Variants in TMEM170B observed in about 807,000 individuals in gnomAD.
The protein encoded by TMEM170B is transmembrane protein 170B.
In TMEM170B, 6 loss-of-function variants were observed where a neutral mutation model predicts 13.0. The ratio of observed to expected loss-of-function variants is 0.46; its 90% CI spans 0.25 to 0.91. The LOEUF (loss-of-function observed/expected upper bound fraction) is 0.91. Among genes scored for constraint, TMEM170B ranks in the 40% least tolerant of loss-of-function variants. The pLI, the probability that TMEM170B is intolerant of heterozygous loss-of-function variation, is 0.17. For synonymous variants in TMEM170B, 61 were observed against 64.9 expected (o/e 0.94, Z 0.29); for missense variants, 138 against 165.2 (o/e 0.84, Z 0.90).
chr6:11,574,433 A>G (rs566190332), intron 2 of TMEM170B, among the ~76,000 whole-genome samples: 2 of 152,280 alleles, frequency 1.3e-5, no homozygotes, highest in Non-Finnish European at 2.9e-5. Context: ...TAAGTTGACA[A>G]GTAAAAATTA....
intron 1 of TMEM170B, among the ~76,000 whole-genome samples, chr6:11,559,177 A>G (rs939467619): frequency 6.7e-6 from 1 of 150,098 alleles, no homozygotes; most frequent in African/African-American, 2.4e-5. Flanking sequence ...TGTTCTTTAT[A>G]TATTTTTTTC....
chr6:11,548,481 C>G (rs1255189119), intron 1 of TMEM170B, among the ~76,000 whole-genome samples: 1 of 152,068 alleles, frequency 6.6e-6, no homozygotes, highest in African/African-American at 2.4e-5. Context: ...GTTGGTGGGA[C>G]TGTAAACTAG....
At chr6:11,572,304 T>C (rs914772981) in intron 2 of TMEM170B, among the ~76,000 whole-genome samples, 1 of 152,218 alleles carries the variant, frequency 6.6e-6, no homozygotes, top group Non-Finnish European at 1.5e-5. Flanking sequence ...TAAATTGTGG[T>C]ATATTCATAC....
chr6:11,561,682 A>AT (rs1163930699), intron 1 of TMEM170B, among the ~76,000 whole-genome samples: 3 of 152,084 alleles, frequency 2.0e-5, no homozygotes, highest in African/African-American at 4.8e-5. Context: ...GTTTTCTATC[A>AT]TTTTTTCCAT....
chr6:11,542,403 A>G (rs538808), intron 1 of TMEM170B, among the ~76,000 whole-genome samples: 47,691 of 152,030 alleles, frequency 0.31, 7,787 homozygotes, highest in South Asian at 0.49. Flanking sequence ...GTTAGCTCCA[A>G]TATGTCTTTC....
rs191675257 is a variant in TMEM170B, at chr6:11,581,290, G to A, written c.*5729G>A. On this transcript the variant is annotated 3_prime_UTR_variant, in exon 3 of 3. Coordinates refer to ENST00000379426, the MANE Select transcript of TMEM170B (RefSeq NM_001100829.3). ...ATCTTCCTCCTCTTTCCATACAGAT[G>A]TCGTATGTTATAGTTTAAACATATG... 2.5e-4 allele frequency: 38 copies of A among 152,224 alleles called. No individual in the cohort carries two copies. The highest frequency in any genetic ancestry group is 1.0e-3 in the Admixed American group (16 of 15,288). 9.4% of individuals were successfully genotyped at this position (152,224 alleles called of 1,614,324 possible).
At chr6:11,565,645 A>C in intron 1 of TMEM170B, 21 bp from the exon 2 acceptor site, 2 of 1,613,454 alleles carry the variant, frequency 1.2e-6, no homozygotes, top group Non-Finnish European at 1.7e-6. Flanking sequence ...CAGATGATTA[A>C]TACTTTGCTT....
chr6:11,579,948 A>G lies in TMEM170B; in HGVS notation c.*4387A>G, dbSNP rs1759930458. ...TCTGTAGAAAAATAGAACGATATTC[A>G]GTGTCTACCAAGTTCTTTCTTCCAC... On this transcript the variant is annotated 3_prime_UTR_variant, in exon 3 of 3. Transcript: ENST00000379426. 6.6e-6 allele frequency: 1 copy of G among 152,242 alleles called. No individual in the cohort carries two copies. The highest frequency in any genetic ancestry group is 1.5e-5 in the Non-Finnish European group (1 of 68,070). 9.4% of individuals were successfully genotyped at this position (152,242 alleles called of 1,614,324 possible).
At chr6:11,553,576 C>T (rs1759551457) in intron 1 of TMEM170B, among the ~76,000 whole-genome samples, 1 of 151,962 alleles carries the variant, frequency 6.6e-6, no homozygotes, top group Non-Finnish European at 1.5e-5. Context: ...CATGTATTTC[C>T]CAGGCCTGTT....
intron 1 of TMEM170B, among the ~76,000 whole-genome samples, chr6:11,540,288 C>T (rs1206355704): frequency 1.3e-5 from 2 of 152,174 alleles, no homozygotes; most frequent in Non-Finnish European, 2.9e-5. Context: ...GCATTTTATC[C>T]ACAGTAGAAC....
chr6:11,547,488 C>T (rs1386986147), intron 1 of TMEM170B, among the ~76,000 whole-genome samples: 1 of 152,166 alleles, frequency 6.6e-6, no homozygotes, highest in Non-Finnish European at 1.5e-5. Flanking sequence ...TGCTACTTTT[C>T]AGTATTTGTG....
intron 1 of TMEM170B, among the ~76,000 whole-genome samples, chr6:11,544,438 T>A (rs16868542): frequency 6.6e-6 from 1 of 152,256 alleles, no homozygotes; most frequent in Admixed American, 6.5e-5. Context: ...AGTGTTTGCA[T>A]CAGTGAGCCT....
intron 1 of TMEM170B, among the ~76,000 whole-genome samples, chr6:11,559,087 C>G (rs1418217352): frequency 2.0e-5 from 3 of 152,092 alleles, no homozygotes; most frequent in African/African-American, 7.2e-5. Context: ...TCATAGACTA[C>G]TATGAATGAG....
At chr6:11,571,917 A>C (rs191892680) in intron 2 of TMEM170B, among the ~76,000 whole-genome samples, 3 of 152,336 alleles carry the variant, frequency 2.0e-5, no homozygotes, top group African/African-American at 7.2e-5. Context: ...CTAATGGCTA[A>C]TAATATGTGA....
rs1296691061 is a variant in TMEM170B at position 11,577,910 on chromosome 6, G to A, written c.*2349G>A. ...AACTGTCTCTCTTTTGATGTTTTGA[G>A]ATGCAGTTGAATAGTTTGAGTTTGT... On this transcript the variant is annotated 3_prime_UTR_variant, in exon 3 of 3. Transcript: ENST00000379426. The A allele has an allele frequency of 6.6e-6, 1 of 152,062 alleles. No homozygotes were observed. Among genetic ancestry groups the A allele is most frequent in the East Asian group, 1.9e-4 (1 of 5,200 alleles). 9.4% of individuals were successfully genotyped at this position (152,062 alleles called of 1,614,324 possible).
intron 1 of TMEM170B, among the ~76,000 whole-genome samples, chr6:11,542,085 T>C (rs1164435127): frequency 6.6e-6 from 1 of 152,192 alleles, no homozygotes. Context: ...AGTGAGCCCA[T>C]GCTGTTGGAA....
rs1759873053 is a variant in TMEM170B at position 11,576,228 on chromosome 6, A to G, written c.*667A>G. ...TGTTTTAAGAACTCAGAGTAGCTCT[A>G]TAGGGTGCATACTTTTCACCAACTT... On this transcript the variant is annotated 3_prime_UTR_variant, in exon 3 of 3. Transcript: ENST00000379426. 2 of 152,232 alleles carry G rather than the reference A, an allele frequency of 1.3e-5. No homozygotes were observed. The highest frequency in any genetic ancestry group is 2.1e-4 in the South Asian group (1 of 4,836). The allele number at this position is 152,232 out of a possible 1,614,324, so 9.4% of individuals were successfully genotyped here. A position where few individuals can be genotyped will look rare whatever the true frequency, so the allele number is the denominator to read the frequency against.
chr6:11,545,402 G>A (rs773200465), intron 1 of TMEM170B, among the ~76,000 whole-genome samples: 3 of 151,558 alleles, frequency 2.0e-5, no homozygotes, highest in Non-Finnish European at 4.4e-5. Context: ...TGAAACCATG[G>A]ATATTTCTGA....
intron 1 of TMEM170B, among the ~76,000 whole-genome samples, chr6:11,545,347 C>A (rs2113762838): frequency 1.4e-5 from 2 of 144,948 alleles, no homozygotes; most frequent in East Asian, 4.3e-4. Flanking sequence ...AGTAGTAGTC[C>A]CGTTTATTCA....
Sources: allele counts gnomAD v4.1 joint callset (sites outside exome capture counted in the v4.1 genomes callset), GRCh38; gene constraint gnomAD v4.1.1; transcripts MANE v1.5; gene names NCBI Gene and HGNC (gene_info 2026-07-23, HGNC 2026-07-21).